SCGB2A1: variants seen among roughly 807,000 people sequenced by gnomAD.
SCGB2A1 encodes mammaglobin-B.
Under a neutral mutation model 9.2 loss-of-function variants are expected in SCGB2A1, and 6 were observed. That is an observed-to-expected ratio of 0.66 (90% CI 0.36 to 1.29). The LOEUF is 1.29. Among genes scored for constraint, SCGB2A1 ranks in the 50% most tolerant of loss-of-function variants. The pLI is 0.03. For missense variants in SCGB2A1, 138 were observed against 116.9 expected, an observed-to-expected ratio of 1.18 and a Z score of -0.83; for synonymous variants, 37 against 41.0, an observed-to-expected ratio of 0.90 and a Z score of 0.37.
rs60357410 is a variant in SCGB2A1 at position 62,209,635 on chromosome 11, ATGTGTGTGTGTGTGTG to A, written c.56-750_56-735del. On this transcript the variant is annotated intron_variant, in intron 1 of 2. Transcript: ENST00000244930. ...CATGAACAAGCTCTATTTCACATTCATGTGTGTGTGTGTGTGTGTGTGTGTGTGTGTGTGTGTGTGT... is the reference window on the plus strand; with the variant it reads ...CATGAACAAGCTCTATTTCACATTCATGTGTGTGTGTGTGTGTGTGTGTGT... Among the ~76,000 whole-genome samples, 69 of 142,192 alleles carry A rather than the reference ATGTGTGTGTGTGTGTG, an allele frequency of 4.9e-4. 1 individual carries two copies. Among genetic ancestry groups the A allele is most frequent in the African/African-American group, 9.2e-4 (35 of 38,044 alleles). The allele number at this position is 142,192 out of a possible 152,430, so 93.3% of individuals were successfully genotyped here. A position where few individuals can be genotyped will look rare whatever the true frequency, so the allele number is the denominator to read the frequency against.
At position 62,210,557 on chromosome 11, in the gene SCGB2A1, T is replaced by C; in HGVS notation, c.200T>C (p.Leu67Pro). The change falls in exon 2 of 3, where the codon CTC becomes CCC. Residue 67 changes from leucine to proline, a missense_variant. Transcript: ENST00000244930. ...ATGGGGAAATTCAAGCAGTGTTTCCTCAACCAGTCACATAGAACTCTGAAA... is the reference window on the plus strand; with the variant it reads ...ATGGGGAAATTCAAGCAGTGTTTCCCCAACCAGTCACATAGAACTCTGAAA... ...EAMGKFKQCFLNQSHRTLKNF... is the reference protein window; with the variant it reads ...EAMGKFKQCFPNQSHRTLKNF... 6.3e-7 allele frequency: 1 copy of C among 1,577,148 alleles called. No homozygotes were observed. Among genetic ancestry groups the C allele is most frequent in the South Asian group, 1.3e-5 (1 of 79,980 alleles).
At chr11:62,212,008 C>T (rs576687254) in intron 2 of SCGB2A1, among the ~76,000 whole-genome samples, 20 of 152,052 alleles carry the variant, frequency 1.3e-4, no homozygotes, top group African/African-American at 4.8e-4. Context: ...CTACAATCTC[C>T]GGCTCCTGAG....
Position 62,211,018 on chromosome 11 carries a change from G to A in SCGB2A1, c.243+418G>A, listed in dbSNP as rs1047408313. On this transcript the variant is annotated intron_variant, in intron 2 of 2. Transcript: ENST00000244930. ...GGCTCACTGCAACCTCCACCTCCCG[G>A]GTTCAAGAGATTTGCCTGCCTCCAC... Among the ~76,000 whole-genome samples, 3 of 151,544 alleles carry A rather than the reference G, an allele frequency of 2.0e-5. No individual in the cohort carries two copies. The East Asian group carries it at 5.8e-4, about 29-fold the overall frequency.
rs750775502 is a variant in SCGB2A1 at position 62,210,404 on chromosome 11, T to G, written c.56-9T>G. On this transcript the variant is annotated splice_polypyrimidine_tract_variant and intron_variant, in intron 1 of 2. Coordinates refer to ENST00000244930, the MANE Select transcript of SCGB2A1 (RefSeq NM_002407.3). ...CTTGTGTCTTTTTTTTTTTTTTTTT[T>G]TTTTCCAGATTCTGGCTGCAAACTC... 1.4e-6 allele frequency: 2 copies of G among 1,425,954 alleles called. No individual in the cohort carries two copies. 88.3% of individuals were successfully genotyped at this position (1,425,954 alleles called of 1,614,324 possible).
At chr11:62,212,891 A>T (rs972940756) in intron 2 of SCGB2A1, among the ~76,000 whole-genome samples, 1 of 146,092 alleles carries the variant, frequency 6.8e-6, no homozygotes, top group African/African-American at 2.8e-5. Context: ...GCACACTAAC[A>T]CACCTGGCAT....
chr11:62,211,065 A>T (rs543356723), intron 2 of SCGB2A1, among the ~76,000 whole-genome samples: 2 of 151,882 alleles, frequency 1.3e-5, no homozygotes, highest in Admixed American at 1.3e-4. Flanking sequence ...TTGGGATTAC[A>T]GGTGTGCGCC....
Position 62,213,829 on chromosome 11 carries a change from A to G in SCGB2A1, c.*59A>G. Reference sequence around the variant, plus strand: ...GACTATGGCCAGAACTCATCTGTTGATTGCTAGAAACCACTTTTCTTTCTT... The same window carrying G: ...GACTATGGCCAGAACTCATCTGTTGGTTGCTAGAAACCACTTTTCTTTCTT... On this transcript the variant is annotated 3_prime_UTR_variant, in exon 3 of 3. Coordinates refer to ENST00000244930, the MANE Select transcript of SCGB2A1 (RefSeq NM_002407.3). 8 of 1,433,078 alleles carry G rather than the reference A, an allele frequency of 5.6e-6. No individual in the cohort carries two copies. Among genetic ancestry groups the G allele is most frequent in the East Asian group, 2.3e-5 (1 of 43,560 alleles). The allele number at this position is 1,433,078 out of a possible 1,614,324, so 88.8% of individuals were successfully genotyped here.
chr11:62,209,136 G>T (rs1944807579), intron 1 of SCGB2A1, among the ~76,000 whole-genome samples: 1 of 152,130 alleles, frequency 6.6e-6, no homozygotes, highest in South Asian at 2.1e-4. Context: ...AATAATCATG[G>T]GTCTCCTTGA....
intron 2 of SCGB2A1, among the ~76,000 whole-genome samples, chr11:62,213,106 A>ATTTTTTTTTTTT (rs1554985926): frequency 3.4e-5 from 4 of 116,248 alleles, no homozygotes; most frequent in Non-Finnish European, 3.4e-5. Flanking sequence ...ATATATATAT[A>ATTTTTTTTTTTT]TTTTTTTTTT....
At chr11:62,208,885 C>G in intron 1 of SCGB2A1, 99 bp downstream of exon 1, 1 of 1,271,856 alleles carries the variant, frequency 7.9e-7, no homozygotes, top group Admixed American at 1.8e-5. Context: ...CAGACGAGCC[C>G]CAGTGTGAAG....
intron 2 of SCGB2A1, among the ~76,000 whole-genome samples, chr11:62,212,954 A>G (rs776759866): frequency 1.8e-4 from 15 of 84,438 alleles, no homozygotes; most frequent in African/African-American, 2.6e-4. Flanking sequence ...GTACACACAT[A>G]TGTACACATA....
At chr11:62,208,888 G>T (rs551742904) in intron 1 of SCGB2A1, 102 bp downstream of exon 1, 4 of 1,202,358 alleles carry the variant, frequency 3.3e-6, no homozygotes, top group Middle Eastern at 1.9e-4. Context: ...ACGAGCCCCA[G>T]TGTGAAGGGC....
At chr11:62,213,003 C>T (rs1944845576) in intron 2 of SCGB2A1, among the ~76,000 whole-genome samples, 3 of 81,524 alleles carry the variant, frequency 3.7e-5, no homozygotes, top group African/African-American at 1.1e-4. Context: ...CATATATGTA[C>T]ACATATATGC....
intron 2 of SCGB2A1, among the ~76,000 whole-genome samples, chr11:62,211,432 C>T (rs1328140915): frequency 6.6e-6 from 1 of 152,006 alleles, no homozygotes; most frequent in Non-Finnish European, 1.5e-5. Context: ...TGGAGTTTCA[C>T]TCTGTTGCCC....
At chr11:62,211,794 A>C (rs564736010) in intron 2 of SCGB2A1, among the ~76,000 whole-genome samples, 130 of 152,354 alleles carry the variant, frequency 8.5e-4, no homozygotes, top group African/African-American at 2.9e-3. Context: ...TGCCTCATGA[A>C]GTGGGAAGTG....
intron 2 of SCGB2A1, among the ~76,000 whole-genome samples, chr11:62,213,102 ATATAT>A (rs1565121604): frequency 2.0e-4 from 8 of 39,880 alleles, no homozygotes; most frequent in African/African-American, 4.3e-4. Context: ...ATATATATAT[ATATAT>A]TTTTTTTTTT....
intron 1 of SCGB2A1, 51 bp downstream of exon 1, chr11:62,208,837 GC>G: frequency 6.3e-7 from 1 of 1,583,068 alleles, no homozygotes; most frequent in South Asian, 1.1e-5. Flanking sequence ...TGTCACCTGG[GC>G]CCCTGTAGAA....
rs1433632235 is a variant in SCGB2A1, at chr11:62,212,758, CAG to C, written c.244-965_244-964del. ...TTTGTCTTTGTTTTTGTTTTTGAGA[CAG>C]AGTCTTGCTCTTTTGCCCAGGCTGG... is the stretch of plus-strand genomic sequence containing the variant. On this transcript the variant is annotated intron_variant, in intron 2 of 2. Coordinates refer to ENST00000244930, the MANE Select transcript of SCGB2A1 (RefSeq NM_002407.3). Among the ~76,000 whole-genome samples the C allele has an allele frequency of 2.0e-5, 3 of 151,872 alleles. No individual in the cohort carries two copies. In the East Asian group the frequency reaches 5.8e-4, roughly 29 times the overall value.
At position 62,213,897 on chromosome 11, in the gene SCGB2A1, C is replaced by T. The variant is rs927686825; in HGVS notation, c.*127C>T. Reference sequence around the variant, plus strand: ...GGAAACTGCTAGACAACTGTTGAAACCTCAAATTCATTTCCATTTCAATAA... The same window carrying T: ...GGAAACTGCTAGACAACTGTTGAAATCTCAAATTCATTTCCATTTCAATAA... On this transcript the variant is annotated 3_prime_UTR_variant, in exon 3 of 3. Transcript: ENST00000244930. The T allele has an allele frequency of 1.5e-6, 1 of 672,158 alleles. No individual in the cohort carries two copies. The highest frequency in any genetic ancestry group is 2.5e-6 in the Non-Finnish European group (1 of 395,756). 41.6% of individuals were successfully genotyped at this position (672,158 alleles called of 1,614,324 possible). A position where few individuals can be genotyped will look rare whatever the true frequency, so the allele number is the denominator to read the frequency against.
Sources: gnomAD v4.1 joint callset for allele counts (sites outside exome capture counted in the v4.1 genomes callset) on GRCh38, gnomAD v4.1.1 for gene constraint, MANE v1.5 for transcripts, NCBI Gene and HGNC (gene_info 2026-07-23, HGNC 2026-07-21) for gene names.